Variants in TRIO observed in about 807,000 individuals in gnomAD.
The protein encoded by TRIO is trio Rho guanine nucleotide exchange factor, also known as triple functional domain protein.
Under a neutral mutation model 351.9 loss-of-function variants are expected in TRIO, and 58 were observed. That is an observed-to-expected ratio of 0.16 (90% CI 0.13 to 0.21). The LOEUF is 0.21. Among genes scored for constraint, TRIO ranks in the 10% least tolerant of loss-of-function variants. TRIO has a pLI of 1.00. For missense variants in TRIO, 3,201 were observed against 4,027.8 expected (o/e 0.79, Z 5.56); for synonymous variants, 1,758 against 1,595.7 (o/e 1.10, Z -2.42).
chr5:14,159,711 C>T (rs550318692), intron 1 of TRIO, among the ~76,000 whole-genome samples: 3 of 152,030 alleles, frequency 2.0e-5, no homozygotes, highest in African/African-American at 4.8e-5. Context: ...TACAGGCATG[C>T]GCCACCACAC....
chr5:14,489,511 C>A (rs1006436803), intron 48 of TRIO, among the ~76,000 whole-genome samples: 13 of 152,170 alleles, frequency 8.5e-5, no homozygotes, highest in African/African-American at 3.1e-4. Context: ...CGGGCTATAC[C>A]CGTCAGCACT....
chr5:14,430,836 C>A (rs1323129738), intron 34 of TRIO, among the ~76,000 whole-genome samples: 1 of 152,070 alleles, frequency 6.6e-6, no homozygotes, highest in African/African-American at 2.4e-5. Flanking sequence ...CTGCCTCAGC[C>A]TCCCGAGTAG....
At chr5:14,332,562 T>G (rs1162017133) in intron 10 of TRIO, among the ~76,000 whole-genome samples, 1 of 152,234 alleles carries the variant, frequency 6.6e-6, no homozygotes, top group Non-Finnish European at 1.5e-5. Flanking sequence ...GATGTATTGT[T>G]TTTAATCTTT....
intron 1 of TRIO, among the ~76,000 whole-genome samples, chr5:14,269,196 T>G (rs1795853908): frequency 6.6e-6 from 1 of 152,238 alleles, no homozygotes; most frequent in Non-Finnish European, 1.5e-5. Flanking sequence ...AAGTCTGTGG[T>G]AATTGTCAGT....
chr5:14,433,248 A>T (rs1042601028), intron 34 of TRIO, among the ~76,000 whole-genome samples: 1 of 152,252 alleles, frequency 6.6e-6, no homozygotes, highest in South Asian at 2.1e-4. Context: ...TGGCACCCAC[A>T]TGAAGAGTTT....
chr5:14,410,745 T>A (rs1033893649), intron 33 of TRIO, among the ~76,000 whole-genome samples: 1 of 152,178 alleles, frequency 6.6e-6, no homozygotes, highest in African/African-American at 2.4e-5. Flanking sequence ...AATTCTCAGA[T>A]GAGGCACACA....
At chr5:14,359,325 T>C in intron 12 of TRIO, 32 bp from the exon 13 acceptor site, 1 of 1,594,642 alleles carries the variant, frequency 6.3e-7, no homozygotes, top group Non-Finnish European at 8.6e-7. Context: ...GACTTTCTCA[T>C]CCAATTCCTG....
chr5:14,156,956 A>C (rs560853954), intron 1 of TRIO, among the ~76,000 whole-genome samples: 2 of 152,238 alleles, frequency 1.3e-5, no homozygotes, highest in Non-Finnish European at 2.9e-5. Context: ...AATTTCATAC[A>C]GTTTATAAAA....
intron 48 of TRIO, chr5:14,490,868 G>A (rs1756432025): frequency 6.6e-6 from 3 of 455,948 alleles, no homozygotes. Context: ...TGTAATCTCA[G>A]TACTCTTGGG....
intron 1 of TRIO, among the ~76,000 whole-genome samples, chr5:14,148,156 C>A (rs984371325): frequency 2.0e-5 from 3 of 152,158 alleles, no homozygotes; most frequent in Non-Finnish European, 2.9e-5. Context: ...TTTAAAGAAG[C>A]CATTTCCACC....
intron 9 of TRIO, among the ~76,000 whole-genome samples, chr5:14,324,466 G>C (rs78785518): frequency 0.01 from 1,580 of 152,278 alleles, 27 homozygotes; most frequent in African/African-American, 0.036. Context: ...CTCTTTGGAT[G>C]CAGAATTACC....
At chr5:14,225,788 T>TCCCCC (rs1472666432) in intron 1 of TRIO, among the ~76,000 whole-genome samples, 19 of 46,014 alleles carry the variant, frequency 4.1e-4, no homozygotes, top group East Asian at 9.5e-4. Context: ...TATTCACTGC[T>TCCCCC]CCCACCCCCC....
intron 34 of TRIO, among the ~76,000 whole-genome samples, chr5:14,456,506 C>T (rs1753323526): frequency 6.6e-6 from 1 of 152,252 alleles, no homozygotes; most frequent in South Asian, 2.1e-4. Context: ...TTGAGCCATC[C>T]ACAATCAAAT....
intron 19 of TRIO, among the ~76,000 whole-genome samples, chr5:14,374,704 C>G (rs972612446): frequency 6.6e-6 from 1 of 151,888 alleles, no homozygotes; most frequent in Non-Finnish European, 1.5e-5. Flanking sequence ...TTTAAAAGCT[C>G]AAATAGAGAA....
intron 34 of TRIO, among the ~76,000 whole-genome samples, chr5:14,458,506 C>T (rs1423063102): frequency 6.6e-6 from 1 of 152,166 alleles, no homozygotes; most frequent in Non-Finnish European, 1.5e-5. Context: ...AGGGTTTGTA[C>T]CTCGCCTATA....
intron 1 of TRIO, among the ~76,000 whole-genome samples, chr5:14,195,095 A>T (rs1271396001): frequency 6.6e-6 from 1 of 152,202 alleles, no homozygotes; most frequent in African/African-American, 2.4e-5. Context: ...CAATGCTGTT[A>T]TCTAATTTAC....
At chr5:14,175,689 T>C (rs1789362840) in intron 1 of TRIO, among the ~76,000 whole-genome samples, 1 of 152,180 alleles carries the variant, frequency 6.6e-6, no homozygotes, top group Non-Finnish European at 1.5e-5. Flanking sequence ...TTAAAACTAG[T>C]CACATTGAAA....
In TRIO at chr5:14,508,461, A is replaced by C. The variant is rs953949045; in HGVS notation, c.*39A>C. 1 of 1,543,716 alleles carries C rather than the reference A, an allele frequency of 6.5e-7. No individual in the cohort carries two copies. The highest frequency in any genetic ancestry group is 1.4e-5 in the African/African-American group (1 of 72,536). On this transcript the variant is annotated 3_prime_UTR_variant, in exon 57 of 57. Transcript: ENST00000344204. ...TCTTTCTCATTCTCTTTCACCTGCCAATCAGCTGTTAATCTGAATTTTCAA... is the reference window on the plus strand; with the variant it reads ...TCTTTCTCATTCTCTTTCACCTGCCCATCAGCTGTTAATCTGAATTTTCAA...
chr5:14,447,555 G>A (rs921797637), intron 34 of TRIO, among the ~76,000 whole-genome samples: 1 of 152,136 alleles, frequency 6.6e-6, no homozygotes, highest in African/African-American at 2.4e-5. Context: ...CGTTTTGCCT[G>A]GGAGAGTCTT....
Sources: gnomAD v4.1 joint callset for allele counts (sites outside exome capture counted in the v4.1 genomes callset) on GRCh38, gnomAD v4.1.1 for gene constraint, MANE v1.5 for transcripts, NCBI Gene and HGNC (gene_info 2026-07-23, HGNC 2026-07-21) for gene names.